Variants in ULK4 observed in about 807,000 individuals in gnomAD.
The protein encoded by ULK4 is inactive serine/threonine-protein kinase ULK4.
Under a neutral mutation model 160.6 loss-of-function variants are expected in ULK4, and 133 were observed. The observed-to-expected ratio is 0.83, with a 90% CI of 0.72 to 0.96. The LOEUF is 0.96. ULK4 is among the 40% of genes least tolerant of loss of function. The probability of loss-of-function intolerance (pLI) is 0.00; values close to 1 mark genes in which losing one functional copy is unlikely to be tolerated. For missense variants in ULK4, 1,580 were observed against 1,499.5 expected (o/e 1.05, Z -0.89); for synonymous variants, 534 against 539.8 (o/e 0.99, Z 0.15).
chr3:41,906,216 CAAAAAAAA>C (rs58001920), intron 12 of ULK4, among the ~76,000 whole-genome samples: 2 of 67,114 alleles, frequency 3.0e-5, no homozygotes, highest in South Asian at 1.5e-3. Flanking sequence ...GACTCCGTCT[CAAAAAAAA>C]AAAAAAAAAA....
chr3:41,749,335 T>G (rs549360811), intron 22 of ULK4, among the ~76,000 whole-genome samples: 3 of 151,992 alleles, frequency 2.0e-5, no homozygotes, highest in South Asian at 2.1e-4. Flanking sequence ...ATACAAAAAT[T>G]AGTCAGGCAT....
chr3:41,411,457 T>C (rs2125827578), intron 34 of ULK4, among the ~76,000 whole-genome samples: 1 of 149,844 alleles, frequency 6.7e-6, no homozygotes, highest in Admixed American at 6.8e-5. Context: ...AGACAGAGTC[T>C]CACTCTGTCG....
intron 30 of ULK4, among the ~76,000 whole-genome samples, chr3:41,617,117 A>G (rs1212810385): frequency 2.0e-5 from 3 of 152,214 alleles, no homozygotes; most frequent in Non-Finnish European, 4.4e-5. Context: ...GCTTACAGAC[A>G]AAACCCCAAT....
At chr3:41,261,381 T>C (rs1209806965) in intron 35 of ULK4, among the ~76,000 whole-genome samples, 1 of 152,130 alleles carries the variant, frequency 6.6e-6, no homozygotes, top group Non-Finnish European at 1.5e-5. Flanking sequence ...TCATGTGACT[T>C]GTCCAAGGTC....
intron 35 of ULK4, among the ~76,000 whole-genome samples, chr3:41,280,947 G>A (rs1481736709): frequency 2.9e-4 from 44 of 152,014 alleles, no homozygotes; most frequent in Non-Finnish European, 1.5e-5. Flanking sequence ...GAATCAAATA[G>A]ATACAATAAA....
intron 5 of ULK4, 51 bp downstream of exon 5, chr3:41,931,793 G>A (rs1699612921): frequency 6.3e-7 from 1 of 1,593,696 alleles, no homozygotes; most frequent in African/African-American, 1.3e-5. Flanking sequence ...CACAGGACTT[G>A]GATGGTCCAC....
At chr3:41,398,029 C>A (rs761698356) in intron 35 of ULK4, 50 bp downstream of exon 35, 1 of 1,563,256 alleles carries the variant, frequency 6.4e-7, no homozygotes, top group South Asian at 1.2e-5. Context: ...CTGTCCATGT[C>A]GCTGCCAGCA....
At chr3:41,494,965 T>TA (rs2084931874) in intron 32 of ULK4, among the ~76,000 whole-genome samples, 1 of 152,026 alleles carries the variant, frequency 6.6e-6, no homozygotes, top group South Asian at 2.1e-4. Context: ...TCCATGCTCA[T>TA]AGGTAGGAAG....
At chr3:41,340,123 A>G (rs1354655857) in intron 35 of ULK4, among the ~76,000 whole-genome samples, 1 of 152,248 alleles carries the variant, frequency 6.6e-6, no homozygotes, top group Non-Finnish European at 1.5e-5. Context: ...ATGTGTGTTA[A>G]TTTGGATGGA....
At chr3:41,616,557 C>T (rs34209269) in intron 30 of ULK4, among the ~76,000 whole-genome samples, 30,720 of 152,058 alleles carry the variant, frequency 0.2, 3,284 homozygotes, top group African/African-American at 0.25. Context: ...ACCTCCCTCC[C>T]CCAAGCCAAG....
At chr3:41,384,507 T>C (rs907695924) in intron 35 of ULK4, among the ~76,000 whole-genome samples, 4 of 152,106 alleles carry the variant, frequency 2.6e-5, no homozygotes, top group Non-Finnish European at 4.4e-5. Context: ...CTGGGCAATA[T>C]AGGGAAATCC....
At chr3:41,573,818 T>C (rs897566940) in intron 31 of ULK4, among the ~76,000 whole-genome samples, 5 of 152,198 alleles carry the variant, frequency 3.3e-5, no homozygotes, top group African/African-American at 4.8e-5. Flanking sequence ...ATCCAGTCAC[T>C]TTCTGTCACA....
intron 31 of ULK4, among the ~76,000 whole-genome samples, chr3:41,588,916 T>C (rs2125641607): frequency 6.6e-6 from 1 of 152,332 alleles, no homozygotes; most frequent in Middle Eastern, 3.4e-3. Flanking sequence ...TAGCAAGTTC[T>C]CATTGAGCAG....
chr3:41,302,522 A>T (rs1466561396), intron 35 of ULK4, among the ~76,000 whole-genome samples: 2 of 152,214 alleles, frequency 1.3e-5, no homozygotes, highest in Non-Finnish European at 2.9e-5. Flanking sequence ...TGAATAATCA[A>T]ATCTGTGCTC....
At chr3:41,373,896 T>G (rs1172661427) in intron 35 of ULK4, among the ~76,000 whole-genome samples, 1 of 151,894 alleles carries the variant, frequency 6.6e-6, no homozygotes, top group East Asian at 1.9e-4. Flanking sequence ...CTAGCCAGAC[T>G]AATAAAAAAG....
At chr3:41,331,460 T>C (rs926550847) in intron 35 of ULK4, among the ~76,000 whole-genome samples, 5 of 152,244 alleles carry the variant, frequency 3.3e-5, no homozygotes, top group African/African-American at 9.6e-5. Flanking sequence ...TTTAGATCCT[T>C]GGTAAAAAGT....
At chr3:41,845,745 T>C (rs2042055669) in intron 17 of ULK4, among the ~76,000 whole-genome samples, 2 of 152,234 alleles carry the variant, frequency 1.3e-5, no homozygotes, top group African/African-American at 4.8e-5. Context: ...CTATATTATT[T>C]GTAATATAGT....
intron 30 of ULK4, among the ~76,000 whole-genome samples, chr3:41,617,281 G>A (rs576489942): frequency 1.2e-4 from 18 of 152,318 alleles, no homozygotes; most frequent in African/African-American, 4.1e-4. Flanking sequence ...TAAGGGACAG[G>A]CTGCCTCCTC....
rs112361028 is a variant in ULK4, at chr3:41,609,839, T to C, written c.3120+5830A>G. Among the ~76,000 whole-genome samples the C allele has an allele frequency of 9.9e-3, 1,513 of 152,102 alleles. 21 individuals are homozygous for C. The highest frequency in any genetic ancestry group is 0.035 in the African/African-American group (1,452 of 41,496). On this transcript the variant is annotated intron_variant, in intron 31 of 36. Transcript: ENST00000301831. ...CTACGAAAAAATTAGCCAGGCACAGTGGCACACCCCTGCAGACACAGCTAC... is the reference window on the plus strand; with the variant it reads ...CTACGAAAAAATTAGCCAGGCACAGCGGCACACCCCTGCAGACACAGCTAC...
Sources: gnomAD v4.1 joint callset for allele counts (sites outside exome capture counted in the v4.1 genomes callset) on GRCh38, gnomAD v4.1.1 for gene constraint, MANE v1.5 for transcripts, NCBI Gene and HGNC (gene_info 2026-07-23, HGNC 2026-07-21) for gene names.